The following GRIN2B variants were observed in gnomAD, a reference collection of about 807,000 sequenced individuals.
The protein encoded by GRIN2B is glutamate receptor ionotropic, NMDA 2B.
In GRIN2B, 5 loss-of-function variants were observed where a neutral mutation model predicts 114.5. The observed-to-expected ratio is 0.04, with a 90% confidence interval of 0.02 to 0.09. The LOEUF (loss-of-function observed/expected upper bound fraction) is 0.09, where lower values mean the gene tolerates loss of function less well. Among genes scored for constraint, GRIN2B ranks in the 10% least tolerant of loss-of-function variants. GRIN2B has a pLI of 1.00. For missense variants in GRIN2B, 1,108 were observed against 1,943.5 expected (o/e 0.57, Z 8.08); for synonymous variants, 787 against 745.1 (o/e 1.06, Z -0.92).
At chr12:13,570,051 G>C (rs200547365) in intron 11 of GRIN2B, 34 bp from the exon 12 acceptor site, 4 of 1,493,254 alleles carry the variant, frequency 2.7e-6, no homozygotes, top group Non-Finnish European at 3.7e-6. Context: ...ATCCAATGGA[G>C]GAATTTTAGA....
chr12:13,667,247 C>T (rs1242511515), intron 5 of GRIN2B, among the ~76,000 whole-genome samples: 1 of 152,158 alleles, frequency 6.6e-6, no homozygotes, highest in African/African-American at 2.4e-5. Context: ...CATATCTCAA[C>T]AAAGTTAGAA....
At chr12:13,800,712 C>A (rs1199124865) in intron 3 of GRIN2B, among the ~76,000 whole-genome samples, 1 of 152,096 alleles carries the variant, frequency 6.6e-6, no homozygotes. Context: ...AATTTTGCTT[C>A]TATGGAGGAC....
intron 3 of GRIN2B, among the ~76,000 whole-genome samples, chr12:13,836,361 T>C (rs1050883427): frequency 1.3e-5 from 2 of 152,144 alleles, no homozygotes; most frequent in East Asian, 1.9e-4. Flanking sequence ...AATTCTGGCC[T>C]AAGGGGGAAG....
At chr12:13,847,718 GAACA>G (rs2136723384) in intron 3 of GRIN2B, among the ~76,000 whole-genome samples, 1 of 152,156 alleles carries the variant, frequency 6.6e-6, no homozygotes, top group African/African-American at 2.4e-5. Flanking sequence ...CAGAGAGAAG[GAACA>G]ATCAGAGAAG....
At chr12:13,689,298 C>A (rs1950195940) in intron 4 of GRIN2B, among the ~76,000 whole-genome samples, 1 of 152,124 alleles carries the variant, frequency 6.6e-6, no homozygotes, top group Admixed American at 6.6e-5. Context: ...ACTTTCAATT[C>A]TTCCTCTCTC....
At position 13,563,676 on chromosome 12, in the gene GRIN2B, C is replaced by T. The variant is rs367543149; in HGVS notation, c.3562G>A (p.Gly1188Ser). 6 of 1,613,418 alleles carry T rather than the reference C, an allele frequency of 3.7e-6. No homozygotes were observed. Among genetic ancestry groups the T allele is most frequent in the Admixed American group, 3.3e-5 (2 of 60,004 alleles). Reference sequence around the variant, plus strand: ...GGTGCAGGTACCCCGCTGACCACGCCGTGTTTGTCGCCCGTCCCGTGCTTG... The same window carrying T: ...GGTGCAGGTACCCCGCTGACCACGCTGTGTTTGTCGCCCGTCCCGTGCTTG... The part of the protein sequence containing the change: ...HIKHGTGDKH[G>S]VVSGVPAPWE... Residue 1188 changes from glycine to serine, a missense_variant, in exon 14 of 14, where the codon GGC (glycine) becomes AGC (serine). Around this residue, in one of 19 missense-constraint regions of GRIN2B, gnomAD observed 478 missense variants for 506.0 expected, o/e 0.94. Transcript: ENST00000609686.
At chr12:13,924,157 A>G (rs1565588448) in intron 2 of GRIN2B, among the ~76,000 whole-genome samples, 1 of 152,194 alleles carries the variant, frequency 6.6e-6, no homozygotes, top group Non-Finnish European at 1.5e-5. Flanking sequence ...GACCCGAGGC[A>G]TACACTGCAC....
intron 2 of GRIN2B, among the ~76,000 whole-genome samples, chr12:13,871,045 A>G (rs1865897125): frequency 6.6e-6 from 1 of 152,198 alleles, no homozygotes; most frequent in African/African-American, 2.4e-5. Flanking sequence ...AACACATATG[A>G]GGCTAAAATA....
chr12:13,958,168 A>G (rs763717262), intron 2 of GRIN2B, among the ~76,000 whole-genome samples: 2 of 152,342 alleles, frequency 1.3e-5, no homozygotes, highest in Non-Finnish European at 2.9e-5. Flanking sequence ...AAAGAGCACT[A>G]ATTAGGATTA....
At chr12:13,698,819 A>T (rs993607294) in intron 4 of GRIN2B, among the ~76,000 whole-genome samples, 1 of 152,060 alleles carries the variant, frequency 6.6e-6, no homozygotes, top group African/African-American at 2.4e-5. Flanking sequence ...AGCAGCTGGG[A>T]CTACAGGCGC....
intron 5 of GRIN2B, among the ~76,000 whole-genome samples, chr12:13,664,271 AG>A (rs972142283): frequency 1.3e-5 from 2 of 152,242 alleles, no homozygotes; most frequent in Admixed American, 6.5e-5. Flanking sequence ...AGGAGGGAAA[AG>A]GAAGGGAAGG....
At chr12:13,732,655 A>G (rs1466897458) in intron 4 of GRIN2B, among the ~76,000 whole-genome samples, 2 of 152,140 alleles carry the variant, frequency 1.3e-5, no homozygotes, top group Non-Finnish European at 2.9e-5. Context: ...TCTTGACTAA[A>G]CTCAACTTCT....
chr12:13,574,984 T>G (rs952307020), intron 10 of GRIN2B, among the ~76,000 whole-genome samples: 2 of 152,194 alleles, frequency 1.3e-5, no homozygotes, highest in South Asian at 4.1e-4. Flanking sequence ...CAAATGGTGT[T>G]GGAATAATTA....
intron 3 of GRIN2B, among the ~76,000 whole-genome samples, chr12:13,772,801 A>G (rs1283628850): frequency 2.0e-5 from 3 of 152,128 alleles, no homozygotes; most frequent in Non-Finnish European, 2.9e-5. Context: ...AAATCAACCA[A>G]TTTCTAAATA....
chr12:13,688,350 C>A (rs951945422), intron 4 of GRIN2B, among the ~76,000 whole-genome samples: 1 of 152,164 alleles, frequency 6.6e-6, no homozygotes, highest in Non-Finnish European at 1.5e-5. Context: ...CTGATGCCAT[C>A]ACCATAAAGA....
chr12:13,716,455 A>G (rs1459723726), intron 4 of GRIN2B, among the ~76,000 whole-genome samples: 1 of 151,870 alleles, frequency 6.6e-6, no homozygotes. Flanking sequence ...TCACAGTGGC[A>G]CCTTATACAG....
chr12:13,808,324 A>G (rs1303141157), intron 3 of GRIN2B, among the ~76,000 whole-genome samples: 2 of 152,142 alleles, frequency 1.3e-5, no homozygotes, highest in East Asian at 3.9e-4. Flanking sequence ...CAATTCACAC[A>G]ACTTTCTGGT....
rs1244630465 is a variant in GRIN2B at position 13,539,850 on chromosome 12, G to A, written c.*22933C>T. On this transcript the variant is annotated 3_prime_UTR_variant, in exon 14 of 14. Coordinates refer to ENST00000609686, the MANE Select transcript of GRIN2B (RefSeq NM_000834.5). ...AAACCCACCACCACCCCATAAAACA[G>A]TATTACATTTGAGACAATTAGTGAA... The A allele has an allele frequency of 1.3e-5, 2 of 152,110 alleles. No individual in the cohort carries two copies. The highest frequency in any genetic ancestry group is 4.8e-5 in the African/African-American group (2 of 41,398). The allele number at this position is 152,110 out of a possible 1,614,324, so 9.4% of individuals were successfully genotyped here. A position where few individuals can be genotyped will look rare whatever the true frequency, so the allele number is the denominator to read the frequency against.
At chr12:13,724,688 C>G (rs554255905) in intron 4 of GRIN2B, among the ~76,000 whole-genome samples, 1 of 152,190 alleles carries the variant, frequency 6.6e-6, no homozygotes, top group East Asian at 1.9e-4. Flanking sequence ...GGATCCAGCA[C>G]CTGTCACTCA....
Sources: gnomAD v4.1 joint callset for allele counts (sites outside exome capture counted in the v4.1 genomes callset) on GRCh38, gnomAD v4.1.1 for gene constraint, gnomAD v4.1.1 regional missense constraint, MANE v1.5 for transcripts, NCBI Gene and HGNC (gene_info 2026-07-23, HGNC 2026-07-21) for gene names.